NRXN1: variants seen among roughly 807,000 people sequenced by gnomAD.
NRXN1 encodes neurexin-1.
In NRXN1, 39 loss-of-function variants were observed where a neutral mutation model predicts 150.9. That is an observed-to-expected ratio of 0.26 (90% CI 0.20 to 0.34). NRXN1 has a LOEUF of 0.34. Ranked by LOEUF, NRXN1 falls within the 10% of genes least tolerant of loss-of-function variation. The pLI is 1.00. For missense variants in NRXN1, 1,815 were observed against 1,949.9 expected (o/e 0.93, Z 1.30); for synonymous variants, 924 against 757.0 (o/e 1.22, Z -3.62).
intron 12 of NRXN1, among the ~76,000 whole-genome samples, chr2:50,519,953 A>G (rs1300055486): frequency 6.6e-6 from 1 of 151,946 alleles, no homozygotes; most frequent in African/African-American, 2.4e-5. Flanking sequence ...AAAATATTGT[A>G]TGTTTTAATC....
chr2:50,865,311 C>T (rs1458813890), intron 5 of NRXN1, among the ~76,000 whole-genome samples: 1 of 151,890 alleles, frequency 6.6e-6, no homozygotes, highest in Non-Finnish European at 1.5e-5. Context: ...CATTACAAAA[C>T]TAAAGAATAA....
At chr2:50,462,207 A>G (rs568662371) in intron 17 of NRXN1, among the ~76,000 whole-genome samples, 1 of 151,946 alleles carries the variant, frequency 6.6e-6, no homozygotes, top group Non-Finnish European at 1.5e-5. Flanking sequence ...AAGAAAACAG[A>G]GAAGAATGTT....
chr2:50,219,128 A>C (rs2152854500), intron 18 of NRXN1, among the ~76,000 whole-genome samples: 1 of 152,148 alleles, frequency 6.6e-6, no homozygotes, highest in East Asian at 1.9e-4. Context: ...ATTATATTCA[A>C]ACAGGCTTTG....
intron 17 of NRXN1, among the ~76,000 whole-genome samples, chr2:50,436,249 T>A (rs1325869959): frequency 6.6e-6 from 1 of 151,988 alleles, no homozygotes; most frequent in African/African-American, 2.4e-5. Flanking sequence ...AGGTCGGGAG[T>A]TCGACACCAG....
At chr2:50,986,564 A>G (rs1697745232) in intron 2 of NRXN1, among the ~76,000 whole-genome samples, 1 of 151,772 alleles carries the variant, frequency 6.6e-6, no homozygotes. Context: ...TAACATAGTG[A>G]GAAAAATATC....
At chr2:50,852,939 T>C (rs574102325) in intron 5 of NRXN1, among the ~76,000 whole-genome samples, 2 of 152,174 alleles carry the variant, frequency 1.3e-5, no homozygotes, top group African/African-American at 2.4e-5. Flanking sequence ...TTGTAAAATA[T>C]TGTGCTAAGA....
intron 18 of NRXN1, among the ~76,000 whole-genome samples, chr2:50,145,769 A>T (rs1707928828): frequency 6.6e-6 from 1 of 151,734 alleles, no homozygotes; most frequent in East Asian, 1.9e-4. Context: ...ATAGATGGGT[A>T]ATATTTAATG....
intron 8 of NRXN1, among the ~76,000 whole-genome samples, chr2:50,616,969 T>C (rs1679162755): frequency 6.6e-6 from 1 of 152,196 alleles, no homozygotes; most frequent in Non-Finnish European, 1.5e-5. Context: ...AGAATGAACA[T>C]GGGTATATCC....
chr2:50,633,741 A>G (rs142791879), intron 5 of NRXN1, among the ~76,000 whole-genome samples: 3 of 152,222 alleles, frequency 2.0e-5, no homozygotes, highest in South Asian at 4.1e-4. Flanking sequence ...CAAATCCCCT[A>G]TTCTAGATAT....
rs886399073 is a variant in NRXN1 at position 51,028,529 on chromosome 2, A to T, written c.-256T>A. The T allele has an allele frequency of 1.0e-5, 4 of 391,202 alleles. No individual in the cohort carries two copies. The highest frequency in any genetic ancestry group is 4.1e-5 in the Admixed American group (1 of 24,576). 24.2% of individuals were successfully genotyped at this position (391,202 alleles called of 1,614,324 possible). A position where few individuals can be genotyped will look rare whatever the true frequency, so the allele number is the denominator to read the frequency against. ...TACAGGGTAGCCACAGAACTTCCAGACCAAAGGGAGGATGCACTTTGGAGA... is the reference window on the plus strand; with the variant it reads ...TACAGGGTAGCCACAGAACTTCCAGTCCAAAGGGAGGATGCACTTTGGAGA... On this transcript the variant is annotated 5_prime_UTR_variant, in exon 2 of 23. Coordinates refer to ENST00000401669, the MANE Select transcript of NRXN1 (RefSeq NM_001330078.2).
chr2:50,684,728 A>T (rs1690963041), intron 5 of NRXN1, among the ~76,000 whole-genome samples: 1 of 152,162 alleles, frequency 6.6e-6, no homozygotes, highest in Non-Finnish European at 1.5e-5. Flanking sequence ...ACATAAAGAG[A>T]TAGTCTTTGC....
At chr2:50,042,440 C>A (rs1432415418) in intron 21 of NRXN1, among the ~76,000 whole-genome samples, 4 of 152,138 alleles carry the variant, frequency 2.6e-5, no homozygotes, top group Non-Finnish European at 5.9e-5. Flanking sequence ...TCCTCTTCTG[C>A]CATGATTGTA....
intron 17 of NRXN1, among the ~76,000 whole-genome samples, chr2:50,283,873 TAGATTTGG>T (rs2152935701): frequency 6.6e-6 from 1 of 152,302 alleles, no homozygotes; most frequent in Non-Finnish European, 1.5e-5. Context: ...TTCTCAAGGC[TAGATTTGG>T]AGAACTCTAG....
intron 5 of NRXN1, among the ~76,000 whole-genome samples, chr2:50,733,828 C>T (rs1698398947): frequency 6.6e-6 from 1 of 152,092 alleles, no homozygotes; most frequent in Non-Finnish European, 1.5e-5. Context: ...ACTTAACTAG[C>T]AAAGATTATA....
intron 5 of NRXN1, among the ~76,000 whole-genome samples, chr2:50,773,470 T>C (rs1703248895): frequency 6.6e-6 from 1 of 152,164 alleles, no homozygotes; most frequent in Non-Finnish European, 1.5e-5. Context: ...ATAGAAGGCC[T>C]GAAATAAATG....
chr2:50,422,987 G>T (rs2084119869), intron 17 of NRXN1, among the ~76,000 whole-genome samples: 1 of 152,144 alleles, frequency 6.6e-6, no homozygotes, highest in African/African-American at 2.4e-5. Context: ...AAAACGTTTT[G>T]CTGGCCAAAT....
intron 17 of NRXN1, among the ~76,000 whole-genome samples, chr2:50,321,068 A>G (rs1214346853): frequency 6.6e-6 from 1 of 152,162 alleles, no homozygotes; most frequent in Non-Finnish European, 1.5e-5. Flanking sequence ...AGAGAAAATC[A>G]TCACCGTCTA....
intron 5 of NRXN1, among the ~76,000 whole-genome samples, chr2:50,669,412 T>A (rs1214875991): frequency 6.6e-6 from 1 of 152,084 alleles, no homozygotes; most frequent in Admixed American, 6.6e-5. Flanking sequence ...ATATCAAAAA[T>A]ACAAACAGAA....
At chr2:50,352,624 A>G (rs894457226) in intron 17 of NRXN1, among the ~76,000 whole-genome samples, 2 of 151,916 alleles carry the variant, frequency 1.3e-5, no homozygotes, top group Admixed American at 1.3e-4. Context: ...ACTGAGCGTC[A>G]GTAAAAAGGG....
Sources: gnomAD v4.1 joint callset for allele counts (sites outside exome capture counted in the v4.1 genomes callset) on GRCh38, gnomAD v4.1.1 for gene constraint, MANE v1.5 for transcripts, NCBI Gene and HGNC (gene_info 2026-07-23, HGNC 2026-07-21) for gene names.